Variants in FSCN3 observed in about 807,000 individuals in gnomAD.
FSCN3 encodes fascin-3.
FSCN3 carries 43 observed loss-of-function variants against 53.5 expected under a neutral mutation model. That is an observed-to-expected ratio of 0.80 (90% confidence interval 0.63 to 1.04). The LOEUF (loss-of-function observed/expected upper bound fraction) is 1.04. Among genes scored for constraint, FSCN3 ranks in the 50% least tolerant of loss-of-function variants. FSCN3 has a pLI of 0.00. For synonymous variants in FSCN3, 235 were observed against 246.6 expected, an observed-to-expected ratio of 0.95 and a Z score of 0.44; for missense variants, 594 against 646.5, an observed-to-expected ratio of 0.92 and a Z score of 0.88.
Position 127,595,996 on chromosome 7 carries a change from C to T in FSCN3, c.834C>T (p.Val278=). The T allele has an allele frequency of 6.5e-7, 1 of 1,546,356 alleles. No individual in the cohort carries two copies. Among genetic ancestry groups the T allele is most frequent in the Non-Finnish European group, 8.7e-7 (1 of 1,146,114 alleles). ...LRSKTGRFIS[V]IYDGEVRAAS... Reference sequence around the variant, plus strand: ...CAAAGACTGGGCGGTTCATCTCAGTCATCTACGGCAAGTGCTGGACCCAAC... The same window carrying T: ...CAAAGACTGGGCGGTTCATCTCAGTTATCTACGGCAAGTGCTGGACCCAAC... Residue 278 remains valine (V), a synonymous_variant, in exon 2 of 7, where the codon GTC becomes GTT. Coordinates refer to ENST00000265825, the MANE Select transcript of FSCN3 (RefSeq NM_020369.3).
intron 6 of FSCN3, among the ~76,000 whole-genome samples, chr7:127,600,675 G>A (rs1440170960): frequency 6.6e-6 from 1 of 152,144 alleles, no homozygotes; most frequent in Admixed American, 6.5e-5. Context: ...GACAGGGTGA[G>A]GTGTTCTTGT....
rs751238991 is a variant in FSCN3, at chr7:127,595,739, A to T, written c.577A>T (p.Thr193Ser). Reference protein sequence around the residue: ...HFRDGCYHLETSTHHFLSHVD... With the variant: ...HFRDGCYHLESSTHHFLSHVD... ...CCGAGATGGATGCTACCACCTGGAG[A>T]CCTCTACACACCACTTCTTGTCCCA... Residue 193 changes from threonine (T) to serine (S), a missense_variant, in exon 2 of 7, where the codon ACC becomes TCC. Physicochemically the swap from Thr to Ser is moderately conservative, Grantham distance 58 (BLOSUM62 1). Coordinates refer to ENST00000265825, the MANE Select transcript of FSCN3 (RefSeq NM_020369.3). The T allele has an allele frequency of 1.4e-5, 22 of 1,613,426 alleles. No individual in the cohort carries two copies. Among genetic ancestry groups the T allele is most frequent in the Non-Finnish European group, 1.9e-5 (22 of 1,179,548 alleles).
intron 5 of FSCN3, 100 bp from the exon 6 acceptor site, chr7:127,600,094 C>A: frequency 2.8e-6 from 2 of 708,216 alleles, no homozygotes; most frequent in East Asian, 2.5e-5. Flanking sequence ...GATGGGGCAG[C>A]TAGGGGAGGG....
In FSCN3 at chr7:127,595,617, T is replaced by C. The variant is rs1215525998; in HGVS notation, c.455T>C (p.Ile152Thr). The C allele has an allele frequency of 1.9e-6, 3 of 1,613,856 alleles. No homozygotes were observed. Among genetic ancestry groups the C allele is most frequent in the Non-Finnish European group, 2.5e-6 (3 of 1,179,892 alleles). Residue 152 changes from isoleucine (I) to threonine (T), a missense_variant, in exon 2 of 7, where the codon ATC becomes ACC. Transcript: ENST00000265825. The part of the protein sequence containing the change: ...LHVHVILYSP[I>T]HRCYARADPT... ...GTCCACGTGATCCTCTACAGCCCCA[T>C]CCACCGCTGCTATGCCCGGGCTGAC...
At chr7:127,596,050 T>A (rs758205809) in intron 2 of FSCN3, 47 bp downstream of exon 2, 5 of 1,507,874 alleles carry the variant, frequency 3.3e-6, no homozygotes, top group Non-Finnish European at 4.4e-6. Context: ...GGCTGGCTGT[T>A]AAAAAGAGGA....
At chr7:127,600,154 C>G in intron 5 of FSCN3, 40 bp from the exon 6 acceptor site, 1 of 1,121,706 alleles carries the variant, frequency 8.9e-7, no homozygotes, top group Non-Finnish European at 1.4e-6. Context: ...GGAGGACTCC[C>G]CTGTGAATGG....
chr7:127,600,301 G>A lies in FSCN3; in HGVS notation c.1399G>A (p.Val467Ile), dbSNP rs75021202. The A allele has an allele frequency of 9.6e-4, 1,539 of 1,611,354 alleles. 11 individuals are homozygous for A. The African/African-American group carries it at 0.018, about 19-fold the overall frequency. Residue 467 changes from valine (V) to isoleucine (I), a missense_variant, in exon 6 of 7, where the codon GTA (valine) becomes ATA (isoleucine). By Grantham distance (29) the Val-to-Ile change is conservative. Coordinates refer to ENST00000265825, the MANE Select transcript of FSCN3 (RefSeq NM_020369.3). ...IELQGSNLLT[V>I]LAPNGFYMRA... ...GCTTCAGGGGAGCAACTTACTCACT[G>A]TACTGGCCCCCAATGGCTTCTACAT...
At chr7:127,594,476 C>A (rs976560215) in intron 1 of FSCN3, 1 of 470,982 alleles carries the variant, frequency 2.1e-6, no homozygotes, top group African/African-American at 2.0e-5. Flanking sequence ...CTCTAACTGT[C>A]CCTATTCCCC....
Position 127,598,536 on chromosome 7 carries a change from G to A in FSCN3, c.1062G>A (p.Arg354=). The change falls in exon 4 of 7, where the codon AGG becomes AGA. Residue 354 remains arginine (R), a synonymous_variant. Coordinates refer to ENST00000265825, the MANE Select transcript of FSCN3 (RefSeq NM_020369.3). ...GCAGGATCATCCTGCAGTCCTGCAG[G>A]GGGCGCTTCCTGGGCATTGCACCCA... The part of the protein sequence containing the change: ...NCGRIILQSC[R]GRFLGIAPNS... 6.2e-7 allele frequency: 1 copy of A among 1,613,828 alleles called. No homozygotes were observed. The highest frequency in any genetic ancestry group is 8.5e-7 in the Non-Finnish European group (1 of 1,179,818).
At chr7:127,600,082 A>G in intron 5 of FSCN3, 112 bp from the exon 6 acceptor site, 1 of 669,314 alleles carries the variant, frequency 1.5e-6, no homozygotes, top group African/African-American at 1.8e-5. Context: ...CAATGCAGGC[A>G]GGATGGGGCA....
Position 127,595,759 on chromosome 7 carries a change from G to A in FSCN3, c.597G>A (p.Leu199=), listed in dbSNP as rs150163324. ...TGGAGACCTCTACACACCACTTCTT[G>A]TCCCATGTAGACCGGCTGTTCTCCC... is the stretch of plus-strand genomic sequence containing the variant. ...YHLETSTHHF[L]SHVDRLFSQP... Residue 199 remains leucine (L), a synonymous_variant, in exon 2 of 7, where the codon TTG becomes TTA. Transcript: ENST00000265825. 290 of 1,613,922 alleles carry A rather than the reference G, an allele frequency of 1.8e-4. No individual in the cohort carries two copies. The highest frequency in any genetic ancestry group is 2.3e-4 in the Non-Finnish European group (274 of 1,179,900).
rs201789940 is a variant in FSCN3, at chr7:127,595,715, C to G, written c.553C>G (p.Arg185Gly). ...LEECGFLLHF[R>G]DGCYHLETST... ...GGAGTGTGGCTTCCTGTTGCATTTC[C>G]GAGATGGATGCTACCACCTGGAGAC... Residue 185 changes from arginine (R) to glycine (G), a missense_variant, in exon 2 of 7, where the codon CGA (arginine) becomes GGA (glycine). By Grantham distance (125) the Arg-to-Gly change is moderately radical. Coordinates refer to ENST00000265825, the MANE Select transcript of FSCN3 (RefSeq NM_020369.3). 3 of 1,613,664 alleles carry G rather than the reference C, an allele frequency of 1.9e-6. No individual in the cohort carries two copies. The highest frequency in any genetic ancestry group is 1.7e-4 in the Middle Eastern group (1 of 6,060).
chr7:127,593,801 C>G lies in FSCN3; in HGVS notation c.-53C>G. The G allele has an allele frequency of 6.5e-7, 1 of 1,548,316 alleles. No individual in the cohort carries two copies. The highest frequency in any genetic ancestry group is 8.7e-7 in the Non-Finnish European group (1 of 1,144,846). Reference sequence around the variant, plus strand: ...AGGCCCTATGGCCTGTGGAACCTCACCACGGGGGGGAGGGCTGGGCCAGAC... The same window carrying G: ...AGGCCCTATGGCCTGTGGAACCTCAGCACGGGGGGGAGGGCTGGGCCAGAC... On this transcript the variant is annotated 5_prime_UTR_variant, in exon 1 of 7. Transcript: ENST00000265825.
intron 1 of FSCN3, chr7:127,594,829 A>T (rs1479946155): frequency 6.4e-6 from 3 of 471,886 alleles, no homozygotes; most frequent in African/African-American, 2.0e-5. Context: ...TCATGCTCCC[A>T]TCTTCATCCC....
At chr7:127,597,820 T>C (rs1417782163) in intron 3 of FSCN3, among the ~76,000 whole-genome samples, 4 of 152,190 alleles carry the variant, frequency 2.6e-5, no homozygotes, top group African/African-American at 9.7e-5. Flanking sequence ...CTGTGACATA[T>C]CTATTCAGAT....
In FSCN3 at chr7:127,598,529, C is replaced by T; in HGVS notation, c.1055C>T (p.Ser352Phe). The part of the protein sequence containing the change: ...HWNCGRIILQ[S>F]CRGRFLGIAP... The stretch of plus-strand genomic sequence containing the variant: ...AACTGTGGCAGGATCATCCTGCAGT[C>T]CTGCAGGGGGCGCTTCCTGGGCATT... Residue 352 changes from serine to phenylalanine, a missense_variant, in exon 4 of 7, where the codon TCC becomes TTC. By Grantham distance (155) the Ser-to-Phe change is radical (BLOSUM62 -2). Coordinates refer to ENST00000265825, the MANE Select transcript of FSCN3 (RefSeq NM_020369.3). 6.2e-7 allele frequency: 1 copy of T among 1,613,210 alleles called. No homozygotes were observed. The highest frequency in any genetic ancestry group is 1.7e-5 in the Admixed American group (1 of 60,016).
intron 4 of FSCN3, among the ~76,000 whole-genome samples, chr7:127,598,831 G>A (rs1486358932): frequency 5.9e-5 from 9 of 151,880 alleles, no homozygotes; most frequent in African/African-American, 1.5e-4. Flanking sequence ...ATGGTGGTGC[G>A]GGCCTGTAAT....
intron 5 of FSCN3, 75 bp downstream of exon 5, chr7:127,599,626 C>T: frequency 1.4e-6 from 2 of 1,401,896 alleles, no homozygotes; most frequent in Non-Finnish European, 2.0e-6. Flanking sequence ...ACTTCAGGGC[C>T]TGCCACTCAG....
chr7:127,600,470 G>C, intron 6 of FSCN3, 71 bp downstream of exon 6: 2 of 917,704 alleles, frequency 2.2e-6, no homozygotes, highest in Non-Finnish European at 3.5e-6. Context: ...GGAGGTGGGT[G>C]GGGAGGCATG....
Sources: allele counts gnomAD v4.1 joint callset (sites outside exome capture counted in the v4.1 genomes callset), GRCh38; gene constraint gnomAD v4.1.1; transcripts MANE v1.5; gene names NCBI Gene and HGNC (gene_info 2026-07-23, HGNC 2026-07-21).